The following ZNF670 variants were observed in gnomAD, a reference collection of about 807,000 sequenced individuals.
The protein encoded by ZNF670 is zinc finger protein 670.
A neutral mutation model predicts 10.9 loss-of-function variants in ZNF670; 7 were observed. That is an observed-to-expected ratio of 0.64 (90% CI 0.36 to 1.20). The LOEUF (loss-of-function observed/expected upper bound fraction) is 1.20, where lower values mean the gene tolerates loss of function less well. Among genes scored for constraint, ZNF670 ranks in the 50% most tolerant of loss-of-function variants. The pLI, the probability that ZNF670 is intolerant of heterozygous loss-of-function variation, is 0.02. For missense variants in ZNF670, 446 were observed against 458.6 expected, an observed-to-expected ratio of 0.97 and a Z score of 0.25; for synonymous variants, 136 against 152.7, an observed-to-expected ratio of 0.89 and a Z score of 0.81.
chr1:247,075,972 C>T (rs544038487), intron 1 of ZNF670, among the ~76,000 whole-genome samples: 118 of 152,284 alleles, frequency 7.7e-4, no homozygotes, highest in African/African-American at 2.7e-3. Context: ...TGAAATCCAC[C>T]TCCTTCTTGT....
intron 3 of ZNF670, among the ~76,000 whole-genome samples, 156 bp from the exon 4 acceptor site, chr1:247,038,583 T>C (rs1670225698): frequency 6.6e-6 from 1 of 152,230 alleles, no homozygotes; most frequent in Non-Finnish European, 1.5e-5. Context: ...CTATTATCAT[T>C]ATTATCATAA....
rs186804854 is a variant in ZNF670 at position 247,057,047 on chromosome 1, C to T, written c.4-17510G>A. Among the ~76,000 whole-genome samples, 236 of 152,210 alleles carry T rather than the reference C, an allele frequency of 1.6e-3. 3 individuals are homozygous for T. The highest frequency in any genetic ancestry group is 6.8e-3 in the Middle Eastern group (2 of 294). On this transcript the variant is annotated intron_variant, in intron 1 of 3. Transcript: ENST00000366503. Reference sequence around the variant, plus strand: ...TCTGTGCAGCAAAGGAAACAATCAACTAAGTGAAAAGACAACATACAGAAT... The same window carrying T: ...TCTGTGCAGCAAAGGAAACAATCAATTAAGTGAAAAGACAACATACAGAAT...
chr1:247,045,541 A>G (rs887148337), intron 1 of ZNF670, among the ~76,000 whole-genome samples: 4 of 152,186 alleles, frequency 2.6e-5, no homozygotes, highest in Non-Finnish European at 5.9e-5. Context: ...AGGCATCACC[A>G]GAAGCCAAGC....
intron 1 of ZNF670, among the ~76,000 whole-genome samples, chr1:247,050,932 T>C (rs1453179542): frequency 1.3e-5 from 2 of 152,108 alleles, no homozygotes; most frequent in Non-Finnish European, 2.9e-5. Context: ...TTTCATTGTG[T>C]TATTGTTTTA....
chr1:247,054,850 G>A (rs1558341850), intron 1 of ZNF670, among the ~76,000 whole-genome samples: 1 of 152,156 alleles, frequency 6.6e-6, no homozygotes, highest in Non-Finnish European at 1.5e-5. Context: ...GACAGTATTT[G>A]CAAGCCTTCT....
At chr1:247,077,287 A>G (rs979399868) in intron 1 of ZNF670, among the ~76,000 whole-genome samples, 20 of 152,212 alleles carry the variant, frequency 1.3e-4, no homozygotes, top group Admixed American at 1.0e-3. Flanking sequence ...CTCTACTTCC[A>G]TATTTTAAAC....
At chr1:247,066,672 G>A (rs1670987141) in intron 1 of ZNF670, among the ~76,000 whole-genome samples, 1 of 152,212 alleles carries the variant, frequency 6.6e-6, no homozygotes, top group African/African-American at 2.4e-5. Flanking sequence ...ACGATGGGAA[G>A]AGGGAGTCAG....
Position 247,068,319 on chromosome 1 carries a change from C to CAAA in ZNF670, c.3+10272_3+10274dup, listed in dbSNP as rs74163724. Among the ~76,000 whole-genome samples the CAAA allele has an allele frequency of 3.7e-3, 206 of 55,274 alleles. 19 individuals carry two copies. Among genetic ancestry groups the CAAA allele is most frequent in the African/African-American group, 0.02 (199 of 9,722 alleles). 36.3% of individuals were successfully genotyped at this position (55,274 alleles called of 152,430 possible). A position where few individuals can be genotyped will look rare whatever the true frequency, so the allele number is the denominator to read the frequency against. ...AGGTGACAGAGTAAGATTCTGTCTC[C>CAAA]AAAAAAAAAAAAAAAAAAGATGGGC... On this transcript the variant is annotated intron_variant, in intron 1 of 3. Coordinates refer to ENST00000366503, the MANE Select transcript of ZNF670 (RefSeq NM_033213.5).
rs749713910 is a variant in ZNF670, at chr1:247,034,809, C to T, written c.*2640G>A. On this transcript the variant is annotated 3_prime_UTR_variant, in exon 4 of 4. Transcript: ENST00000366503. ...CAAGCATCCAGTGATGGCAACCAAA[C>T]GAGATGCAGTTACCACAGAGCAGTA... Among the ~76,000 whole-genome samples, 2 of 152,186 alleles carry T rather than the reference C, an allele frequency of 1.3e-5. No homozygotes were observed. Among genetic ancestry groups the T allele is most frequent in the Non-Finnish European group, 2.9e-5 (2 of 68,044 alleles).
chr1:247,037,543 T>G lies in ZNF670; in HGVS notation c.1076A>C (p.His359Pro). ...ACATTCATAGGGTTTTTCTCCAGTA[T>G]GAGTCCTTTCATGGCTTCGAAGGGC... ...SSALRSHERT[H>P]TGEKPYECKK... The change falls in exon 4 of 4, where the codon CAT (histidine) becomes CCT (proline). Residue 359 changes from histidine (H) to proline (P), a missense_variant. Physicochemically the swap from His to Pro is moderately conservative, Grantham distance 77. Transcript: ENST00000366503. The G allele has an allele frequency of 6.2e-7, 1 of 1,614,170 alleles. No homozygotes were observed. The highest frequency in any genetic ancestry group is 8.5e-7 in the Non-Finnish European group (1 of 1,180,000).
At chr1:247,052,495 G>A (rs1670619880) in intron 1 of ZNF670, among the ~76,000 whole-genome samples, 1 of 152,076 alleles carries the variant, frequency 6.6e-6, no homozygotes, top group African/African-American at 2.4e-5. Context: ...ATGTAGCAGG[G>A]GAGTCAGGTG....
Position 247,036,317 on chromosome 1 carries a change from G to A in ZNF670, c.*1132C>T, listed in dbSNP as rs1173563422. ...ACTGAATGCTTTCACACGCAGATTAGACAAGCATACTGTCCAATCACAGTT... is the reference window on the plus strand; with the variant it reads ...ACTGAATGCTTTCACACGCAGATTAAACAAGCATACTGTCCAATCACAGTT... On this transcript the variant is annotated 3_prime_UTR_variant, in exon 4 of 4. Transcript: ENST00000366503. Among the ~76,000 whole-genome samples, 1 of 152,132 alleles carries A rather than the reference G, an allele frequency of 6.6e-6. No homozygotes were observed. The highest frequency in any genetic ancestry group is 1.5e-5 in the Non-Finnish European group (1 of 68,030).
chr1:247,067,633 G>A (rs113325619), intron 1 of ZNF670, among the ~76,000 whole-genome samples: 38,297 of 149,490 alleles, frequency 0.26, 5,784 homozygotes, highest in African/African-American at 0.41. Flanking sequence ...ACGAGGTCAG[G>A]AGATCGAGAC....
At chr1:247,072,816 A>ATATATATATATATG (rs1389856994) in intron 1 of ZNF670, among the ~76,000 whole-genome samples, 2 of 49,362 alleles carry the variant, frequency 4.1e-5, no homozygotes, top group Non-Finnish European at 7.9e-5. Context: ...ATATATATAT[A>ATATATATATATATG]TATATATATA....
intron 1 of ZNF670, among the ~76,000 whole-genome samples, chr1:247,048,162 A>C (rs898520608): frequency 6.6e-6 from 1 of 151,962 alleles, no homozygotes; most frequent in African/African-American, 2.4e-5. Flanking sequence ...CCTTTTTTTG[A>C]ATGCATAAAA....
In ZNF670 at chr1:247,037,325, A is replaced by T; in HGVS notation, c.*124T>A. On this transcript the variant is annotated 3_prime_UTR_variant, in exon 4 of 4. Transcript: ENST00000366503. Reference sequence around the variant, plus strand: ...AATTGCATACATTCTAATCTTCCTTACATGTGTTGGGTTTCTCTCTAATTT... The same window carrying T: ...AATTGCATACATTCTAATCTTCCTTTCATGTGTTGGGTTTCTCTCTAATTT... 8.5e-7 allele frequency: 1 copy of T among 1,172,598 alleles called. No individual in the cohort carries two copies. Among genetic ancestry groups the T allele is most frequent in the Non-Finnish European group, 1.2e-6 (1 of 862,820 alleles). 72.6% of individuals were successfully genotyped at this position (1,172,598 alleles called of 1,614,324 possible).
At chr1:247,075,309 T>G (rs1240473807) in intron 1 of ZNF670, among the ~76,000 whole-genome samples, 1 of 152,176 alleles carries the variant, frequency 6.6e-6, no homozygotes, top group Non-Finnish European at 1.5e-5. Flanking sequence ...TTCTCCACCC[T>G]GCAAAAAGGA....
In ZNF670 at chr1:247,047,760, C is replaced by T. The variant is rs553399203; in HGVS notation, c.4-8223G>A. Among the ~76,000 whole-genome samples, 9 of 152,330 alleles carry T rather than the reference C, an allele frequency of 5.9e-5. No individual in the cohort carries two copies. The South Asian group carries it at 1.7e-3, about 28-fold the overall frequency. On this transcript the variant is annotated intron_variant, in intron 1 of 3. Coordinates refer to ENST00000366503, the MANE Select transcript of ZNF670 (RefSeq NM_033213.5). ...CCACAGGCCCAACACCAAGTAAAGG[C>T]TGCCAAGACTTGGGGCTTGAACCCT... is the stretch of plus-strand genomic sequence containing the variant.
intron 1 of ZNF670, chr1:247,042,962 A>G (rs182961360): frequency 1.4e-6 from 1 of 710,524 alleles, no homozygotes; most frequent in East Asian, 2.7e-5. Context: ...ATTCGATACC[A>G]ATCCTTCAAC....
Sources: gnomAD v4.1 joint callset for allele counts (sites outside exome capture counted in the v4.1 genomes callset) on GRCh38, gnomAD v4.1.1 for gene constraint, MANE v1.5 for transcripts, NCBI Gene and HGNC (gene_info 2026-07-23, HGNC 2026-07-21) for gene names.